Variants in HS3ST2 observed in about 807,000 individuals in gnomAD.
HS3ST2 encodes the protein heparan sulfate glucosamine 3-O-sulfotransferase 2.
HS3ST2 carries 17 observed loss-of-function variants against 26.3 expected under a neutral mutation model. That is an observed-to-expected ratio of 0.65 (90% CI 0.44 to 0.97). The LOEUF is 0.97. Among genes scored for constraint, HS3ST2 ranks in the 50% least tolerant of loss-of-function variants. The pLI, the probability that HS3ST2 is intolerant of heterozygous loss-of-function variation, is 0.00. For synonymous variants in HS3ST2, 237 were observed against 219.2 expected, an observed-to-expected ratio of 1.08 and a Z score of -0.72; for missense variants, 402 against 501.2, an observed-to-expected ratio of 0.80 and a Z score of 1.89.
chr16:22,866,595 C>G (rs2141191510), intron 1 of HS3ST2, among the ~76,000 whole-genome samples: 2 of 151,952 alleles, frequency 1.3e-5, no homozygotes, highest in East Asian at 3.9e-4. Flanking sequence ...CATGGCAAGA[C>G]CCCGTCTCTA....
intron 1 of HS3ST2, among the ~76,000 whole-genome samples, chr16:22,899,781 T>C (rs879014388): frequency 1.9e-4 from 29 of 152,192 alleles, no homozygotes; most frequent in Admixed American, 8.5e-4. Context: ...TCATGTCTCA[T>C]GAGACTTATT....
intron 1 of HS3ST2, among the ~76,000 whole-genome samples, chr16:22,852,808 C>A (rs538952303): frequency 2.0e-5 from 3 of 152,170 alleles, no homozygotes; most frequent in Non-Finnish European, 4.4e-5. Flanking sequence ...CACCAAGGAA[C>A]CGAATTCATT....
At chr16:22,892,262 C>T (rs1423801239) in intron 1 of HS3ST2, among the ~76,000 whole-genome samples, 1 of 150,998 alleles carries the variant, frequency 6.6e-6, no homozygotes, top group Non-Finnish European at 1.5e-5. Flanking sequence ...TGCACTTCAG[C>T]CTGGGTGACA....
At chr16:22,899,096 T>G (rs1403151453) in intron 1 of HS3ST2, among the ~76,000 whole-genome samples, 1 of 152,164 alleles carries the variant, frequency 6.6e-6, no homozygotes, top group East Asian at 1.9e-4. Flanking sequence ...AGTGTGAAGT[T>G]GTAAAGCTTG....
chr16:22,819,262 GTCTGCTC>G lies in HS3ST2; in HGVS notation c.485+4168_485+4174del, dbSNP rs746179858. On this transcript the variant is annotated intron_variant, in intron 1 of 1. Coordinates refer to ENST00000261374, the MANE Select transcript of HS3ST2 (RefSeq NM_006043.2). ...AGTCAGTTCACATATCTGGGTGTCA[GTCTGCTC>G]ACCTGTGAAATGGCAATGATGCCTG... Among the ~76,000 whole-genome samples the G allele has an allele frequency of 6.2e-3, 928 of 150,262 alleles. 7 individuals are homozygous for G. Among genetic ancestry groups the G allele is most frequent in the Non-Finnish European group, 1.0e-2 (675 of 67,794 alleles).
intron 1 of HS3ST2, among the ~76,000 whole-genome samples, chr16:22,850,837 A>C (rs764475041): frequency 4.6e-5 from 7 of 152,140 alleles, no homozygotes; most frequent in Non-Finnish European, 7.4e-5. Context: ...ACAACAACAA[A>C]AAAAACAGAA....
intron 1 of HS3ST2, among the ~76,000 whole-genome samples, chr16:22,862,275 C>CTTT (rs397855284): frequency 1.4e-4 from 17 of 123,250 alleles, no homozygotes; most frequent in African/African-American, 2.4e-4. Flanking sequence ...TTCTCCTCAG[C>CTTT]TTTTTTTTTT....
At chr16:22,882,678 C>T (rs1902004811) in intron 1 of HS3ST2, among the ~76,000 whole-genome samples, 2 of 151,842 alleles carry the variant, frequency 1.3e-5, no homozygotes, top group African/African-American at 2.4e-5. Context: ...TTGCAGTGAG[C>T]CAAGATTGTG....
intron 1 of HS3ST2, among the ~76,000 whole-genome samples, chr16:22,869,202 C>T (rs1901798365): frequency 6.6e-6 from 1 of 152,130 alleles, no homozygotes; most frequent in South Asian, 2.1e-4. Context: ...TAGAGACCTC[C>T]CTCATCTGGC....
intron 1 of HS3ST2, among the ~76,000 whole-genome samples, chr16:22,869,209 T>G (rs537763374): frequency 1.3e-5 from 2 of 152,302 alleles, no homozygotes; most frequent in Non-Finnish European, 2.9e-5. Context: ...CTCCCTCATC[T>G]GGCCTGCTGG....
intron 1 of HS3ST2, among the ~76,000 whole-genome samples, chr16:22,875,107 T>TC (rs1214494676): frequency 6.6e-6 from 1 of 152,078 alleles, no homozygotes; most frequent in Non-Finnish European, 1.5e-5. Context: ...AGGCCTAGGG[T>TC]AATGTGTGTG....
chr16:22,871,363 A>C (rs916099069), intron 1 of HS3ST2, among the ~76,000 whole-genome samples: 1 of 152,094 alleles, frequency 6.6e-6, no homozygotes, highest in African/African-American at 2.4e-5. Flanking sequence ...TCAAAAAAAA[A>C]AAAAAGAGGG....
At chr16:22,827,397 C>T (rs1017236350) in intron 1 of HS3ST2, among the ~76,000 whole-genome samples, 6 of 152,166 alleles carry the variant, frequency 3.9e-5, no homozygotes, top group Non-Finnish European at 8.8e-5. Context: ...ATCTGACTTA[C>T]ACTCTACAAG....
At chr16:22,892,463 C>T (rs1039586101) in intron 1 of HS3ST2, among the ~76,000 whole-genome samples, 1 of 152,034 alleles carries the variant, frequency 6.6e-6, no homozygotes, top group African/African-American at 2.4e-5. Context: ...CTTTTTTAAC[C>T]TACCAATTTA....
At chr16:22,867,873 T>A (rs1463024519) in intron 1 of HS3ST2, among the ~76,000 whole-genome samples, 1 of 152,232 alleles carries the variant, frequency 6.6e-6, no homozygotes, top group Non-Finnish European at 1.5e-5. Context: ...TATAGTTTTA[T>A]TTGACTATTA....
At position 22,915,809 on chromosome 16, in the gene HS3ST2, C is replaced by A. The variant is rs1902487957; in HGVS notation, c.*247C>A. The stretch of plus-strand genomic sequence containing the variant: ...TGGCACGTCCAGTAAATTCCAGAAT[C>A]ATTCTCCTTTCTGCCCATAAAGGGC... On this transcript the variant is annotated 3_prime_UTR_variant, in exon 2 of 2. Transcript: ENST00000261374. 3.8e-6 allele frequency: 2 copies of A among 521,574 alleles called. No homozygotes were observed. The highest frequency in any genetic ancestry group is 6.8e-6 in the Non-Finnish European group (2 of 296,066). The allele number at this position is 521,574 out of a possible 1,614,324, so 32.3% of individuals were successfully genotyped here.
chr16:22,912,358 G>A (rs1340296984), intron 1 of HS3ST2, among the ~76,000 whole-genome samples: 2 of 152,192 alleles, frequency 1.3e-5, no homozygotes, highest in Admixed American at 6.5e-5. Flanking sequence ...CGAGGCCAGG[G>A]TATTGGGTGG....
chr16:22,911,684 T>C (rs1236269822), intron 1 of HS3ST2, among the ~76,000 whole-genome samples: 1 of 152,220 alleles, frequency 6.6e-6, no homozygotes, highest in African/African-American at 2.4e-5. Context: ...GGTCACCGTA[T>C]TTCCTGTGTG....
At chr16:22,835,205 T>C (rs1268512856) in intron 1 of HS3ST2, among the ~76,000 whole-genome samples, 1 of 152,120 alleles carries the variant, frequency 6.6e-6, no homozygotes, top group African/African-American at 2.4e-5. Context: ...TTTTTTCTTC[T>C]CCTGACTCTT....
Sources: allele counts gnomAD v4.1 joint callset (sites outside exome capture counted in the v4.1 genomes callset), GRCh38; gene constraint gnomAD v4.1.1; transcripts MANE v1.5; gene names NCBI Gene and HGNC (gene_info 2026-07-23, HGNC 2026-07-21).